Variants in CAT observed in about 807,000 individuals in gnomAD.
CAT encodes epididymis secretory sperm binding protein.
In CAT, 43 loss-of-function variants were observed where a neutral mutation model predicts 59.0. The ratio of observed to expected loss-of-function variants is 0.73; its 90% CI spans 0.57 to 0.94. CAT has a LOEUF of 0.94. Ranked by LOEUF, CAT falls within the 40% of genes least tolerant of loss-of-function variation. The pLI is 0.00. For missense variants in CAT, 664 were observed against 682.9 expected, an observed-to-expected ratio of 0.97 and a Z score of 0.31; for synonymous variants, 218 against 230.9, an observed-to-expected ratio of 0.94 and a Z score of 0.51.
intron 10 of CAT, among the ~76,000 whole-genome samples, chr11:34,465,629 A>G (rs550764559): frequency 6.6e-6 from 1 of 152,326 alleles, no homozygotes; most frequent in African/African-American, 2.4e-5. Flanking sequence ...TATATAGGAT[A>G]TAGTGTGGTT....
In CAT at chr11:34,465,206, A is replaced by T. The variant is rs142419973; in HGVS notation, c.1326+971A>T. 6.9e-3 allele frequency among the ~76,000 whole-genome samples: 1,045 copies of T among 152,328 alleles called. 14 individuals are homozygous for T. Among genetic ancestry groups the T allele is most frequent in the African/African-American group, 0.024 (978 of 41,568 alleles). On this transcript the variant is annotated intron_variant, in intron 10 of 12. Coordinates refer to ENST00000241052, the MANE Select transcript of CAT (RefSeq NM_001752.4). Reference sequence around the variant, plus strand: ...CAGTTAGTGTTAAACTTAGTATTTAAATTAGATTAGAACCTATTTCTAGTT... The same window carrying T: ...CAGTTAGTGTTAAACTTAGTATTTATATTAGATTAGAACCTATTTCTAGTT...
chr11:34,470,078 A>G (rs1194217125), intron 11 of CAT, among the ~76,000 whole-genome samples: 2 of 152,150 alleles, frequency 1.3e-5, no homozygotes, highest in African/African-American at 4.8e-5. Flanking sequence ...AGCTAGAGTC[A>G]GAACCCAAAG....
At chr11:34,441,399 G>C (rs183885800) in intron 1 of CAT, among the ~76,000 whole-genome samples, 1 of 152,266 alleles carries the variant, frequency 6.6e-6, no homozygotes, top group African/African-American at 2.4e-5. Flanking sequence ...TTAGCAGTTT[G>C]TTCTTTTCAT....
At chr11:34,466,746 A>C (rs1383318358) in intron 10 of CAT, among the ~76,000 whole-genome samples, 12 of 135,480 alleles carry the variant, frequency 8.9e-5, no homozygotes, top group Non-Finnish European at 1.8e-4. Context: ...GCGCCACTGC[A>C]CTCCAGCCTG....
chr11:34,446,827 C>T (rs1360254170), intron 1 of CAT, among the ~76,000 whole-genome samples: 2 of 152,004 alleles, frequency 1.3e-5, no homozygotes, highest in East Asian at 1.9e-4. Flanking sequence ...CCGCAACCTC[C>T]GCCTGCTGGG....
At chr11:34,439,619 C>G (rs769057942) in intron 1 of CAT, among the ~76,000 whole-genome samples, 60 of 152,294 alleles carry the variant, frequency 3.9e-4, no homozygotes, top group Non-Finnish European at 1.8e-4. Flanking sequence ...CATTCATTGT[C>G]TCATTTGCAC....
intron 9 of CAT, among the ~76,000 whole-genome samples, chr11:34,463,676 T>TG (rs1856678912): frequency 2.0e-5 from 3 of 152,372 alleles, no homozygotes; most frequent in African/African-American, 7.2e-5. Context: ...AATTTTGTGA[T>TG]GCAGTGTTTG....
At chr11:34,467,969 C>T (rs949885337) in intron 10 of CAT, among the ~76,000 whole-genome samples, 3 of 152,102 alleles carry the variant, frequency 2.0e-5, no homozygotes, top group Non-Finnish European at 2.9e-5. Flanking sequence ...AGTTTACATT[C>T]AAAGGCAGCT....
At chr11:34,461,498 T>G (rs1856651600) in intron 9 of CAT, 109 bp downstream of exon 9, 1 of 1,308,198 alleles carries the variant, frequency 7.6e-7, no homozygotes, top group Non-Finnish European at 1.1e-6. Context: ...GACCTCCTGC[T>G]TGGTAAAGGT....
intron 1 of CAT, among the ~76,000 whole-genome samples, chr11:34,439,293 T>A (rs758961898): frequency 5.3e-5 from 8 of 152,176 alleles, no homozygotes; most frequent in Non-Finnish European, 1.2e-4. Flanking sequence ...GCAGGCTTTG[T>A]TGTCCGCGAC....
rs1010256502 is a variant in CAT, at chr11:34,457,460, G to A, written c.1056+643G>A. ...GACCTCAAGTGATCTGCCTGCCTCCGCCTCCCAAAGTGCTGGATTATAGGC... is the reference window on the plus strand; with the variant it reads ...GACCTCAAGTGATCTGCCTGCCTCCACCTCCCAAAGTGCTGGATTATAGGC... On this transcript the variant is annotated intron_variant, in intron 8 of 12. Transcript: ENST00000241052. Among the ~76,000 whole-genome samples the A allele has an allele frequency of 3.3e-5, 5 of 152,040 alleles. No homozygotes were observed. The South Asian group carries it at 1.0e-3, about 32-fold the overall frequency.
chr11:34,447,084 T>C (rs1018325515), intron 1 of CAT, among the ~76,000 whole-genome samples: 4 of 152,124 alleles, frequency 2.6e-5, no homozygotes, highest in African/African-American at 9.7e-5. Flanking sequence ...TTAAATACCT[T>C]GTTTGTAAGT....
At position 34,471,421 on chromosome 11, in the gene CAT, G is replaced by C. The variant is rs1020781251; in HGVS notation, c.1572G>C (p.Lys524Asn). ...GATCTCACTTGGCGGCAAGGGAGAA[G>C]GCAAATCTGTGAGGCCGGGGCCCTG... ...QSGSHLAARE[K>N]ANL Residue 524 changes from lysine (K) to asparagine (N), a missense_variant, in exon 13 of 13, where the codon AAG becomes AAC. By Grantham distance (94) the Lys-to-Asn change is moderately conservative (BLOSUM62 0). Coordinates refer to ENST00000241052, the MANE Select transcript of CAT (RefSeq NM_001752.4). 4 of 1,613,816 alleles carry C rather than the reference G, an allele frequency of 2.5e-6. No individual in the cohort carries two copies. The highest frequency in any genetic ancestry group is 1.7e-5 in the Admixed American group (1 of 59,998).
At chr11:34,447,497 C>T (rs936204367) in intron 1 of CAT, among the ~76,000 whole-genome samples, 3 of 152,094 alleles carry the variant, frequency 2.0e-5, no homozygotes, top group Admixed American at 6.5e-5. Context: ...GAGGGTCACA[C>T]GTATTAGCAA....
intron 1 of CAT, among the ~76,000 whole-genome samples, chr11:34,447,229 C>A (rs1254213067): frequency 6.6e-6 from 1 of 152,076 alleles, no homozygotes; most frequent in Admixed American, 6.6e-5. Context: ...AAAAATAGCC[C>A]AGGCCTCACC....
chr11:34,455,531 T>TA (rs200317429), intron 6 of CAT, among the ~76,000 whole-genome samples: 9,078 of 132,726 alleles, frequency 0.068, 453 homozygotes, highest in East Asian at 0.26. Flanking sequence ...TATGATTTAT[T>TA]AAAAAAAAAA....
intron 10 of CAT, among the ~76,000 whole-genome samples, chr11:34,464,926 C>T (rs1829016700): frequency 6.6e-6 from 1 of 151,932 alleles, no homozygotes; most frequent in Admixed American, 6.6e-5. Flanking sequence ...ATTGACTTGG[C>T]TAATCTTTTC....
At chr11:34,456,632 G>A in intron 7 of CAT, 33 bp from the exon 8 acceptor site, 1 of 1,608,306 alleles carries the variant, frequency 6.2e-7, no homozygotes, top group Non-Finnish European at 8.5e-7. Context: ...TCAGTTGATT[G>A]CCTGGTAATT....
At chr11:34,470,731 C>CA (rs1400429551) in intron 11 of CAT, 3 of 575,886 alleles carry the variant, frequency 5.2e-6, no homozygotes, top group Non-Finnish European at 6.3e-6. Context: ...GACATAAGCT[C>CA]AGTAAGTTAA....
Sources: allele counts gnomAD v4.1 joint callset (sites outside exome capture counted in the v4.1 genomes callset), GRCh38; gene constraint gnomAD v4.1.1; transcripts MANE v1.5; gene names NCBI Gene and HGNC (gene_info 2026-07-23, HGNC 2026-07-21).